Variants in SPOCK3 observed in about 807,000 individuals in gnomAD.
The protein encoded by SPOCK3 is SPARC (osteonectin), cwcv and kazal like domains proteoglycan 3.
A neutral mutation model predicts 56.6 loss-of-function variants in SPOCK3; 30 were observed. The ratio of observed to expected loss-of-function variants is 0.53; its 90% CI spans 0.40 to 0.72. The LOEUF (loss-of-function observed/expected upper bound fraction) is 0.72, where lower values mean the gene tolerates loss of function less well. Ranked by LOEUF, SPOCK3 falls within the 30% of genes least tolerant of loss-of-function variation. The pLI, the probability that SPOCK3 is intolerant of heterozygous loss-of-function variation, is 0.00. For missense variants in SPOCK3, 527 were observed against 530.0 expected (o/e 0.99, Z 0.06); for synonymous variants, 196 against 183.3 (o/e 1.07, Z -0.56).
intron 2 of SPOCK3, among the ~76,000 whole-genome samples, chr4:167,205,307 TTATA>T (rs554395757): frequency 2.5e-5 from 1 of 39,654 alleles, no homozygotes; most frequent in Admixed American, 4.3e-4. Flanking sequence ...ATAATATATA[TTATA>T]TATTTTATAT....
intron 2 of SPOCK3, among the ~76,000 whole-genome samples, chr4:167,114,500 G>A (rs560967831): frequency 1.3e-5 from 2 of 152,170 alleles, no homozygotes; most frequent in Admixed American, 6.6e-5. Context: ...AGGCTTGCAC[G>A]TGTCTCCTCT....
At chr4:167,150,006 T>C (rs2150414459) in intron 2 of SPOCK3, among the ~76,000 whole-genome samples, 1 of 152,106 alleles carries the variant, frequency 6.6e-6, no homozygotes, top group Admixed American at 6.6e-5. Context: ...ATTGGGTGAT[T>C]TGGGGGAAAG....
chr4:166,754,716 G>T lies in SPOCK3; in HGVS notation c.723C>A (p.Ser241Arg), dbSNP rs980396132. 4.3e-6 allele frequency: 7 copies of T among 1,613,332 alleles called. No homozygotes were observed. The highest frequency in any genetic ancestry group is 5.9e-6 in the Non-Finnish European group (7 of 1,179,578). ...LRPERSRFDT[S>R]ILPICKDSLG... ...GTGAGTCCTTGCAAATTGGCAAGAT[G>T]CTGGTATCGAATCCTAAAGGCAAAA... is the stretch of plus-strand genomic sequence containing the variant. Residue 241 changes from serine to arginine, a missense_variant, in exon 8 of 11, where the codon AGC becomes AGA. Physicochemically the swap from Ser to Arg is moderately radical, Grantham distance 110 (BLOSUM62 -1). Transcript: ENST00000357545.
intron 6 of SPOCK3, among the ~76,000 whole-genome samples, chr4:166,847,307 A>T (rs1321836910): frequency 6.6e-6 from 1 of 152,202 alleles, no homozygotes; most frequent in East Asian, 1.9e-4. Context: ...TATGTAGTAT[A>T]GGGAGACTTG....
chr4:166,769,634 C>G (rs1289401256), intron 7 of SPOCK3, among the ~76,000 whole-genome samples: 1 of 152,166 alleles, frequency 6.6e-6, no homozygotes, highest in East Asian at 1.9e-4. Context: ...ACTCGGGGGT[C>G]AGGGACCCAC....
intron 6 of SPOCK3, among the ~76,000 whole-genome samples, chr4:166,811,991 A>G (rs1743860505): frequency 6.6e-6 from 1 of 151,880 alleles, no homozygotes; most frequent in Admixed American, 6.6e-5. Flanking sequence ...TCAGAATTAA[A>G]GATCTGTGTT....
In SPOCK3 at chr4:166,980,220, G is replaced by T. The variant is rs1746415723; in HGVS notation, c.350+20129C>A. Among the ~76,000 whole-genome samples, 3 of 152,254 alleles carry T rather than the reference G, an allele frequency of 2.0e-5. No homozygotes were observed. In the South Asian group the frequency reaches 6.2e-4, roughly 32 times the overall value. On this transcript the variant is annotated intron_variant, in intron 4 of 10. Transcript: ENST00000357545. The stretch of plus-strand genomic sequence containing the variant: ...AAACATATTAGACTTTAGCCTGCAG[G>T]ACAGCAATATGTACATCTCTTTTAT...
intron 2 of SPOCK3, among the ~76,000 whole-genome samples, chr4:167,177,404 C>G (rs1280861127): frequency 1.3e-5 from 2 of 152,008 alleles, no homozygotes; most frequent in African/African-American, 2.4e-5. Flanking sequence ...CACTGACATG[C>G]CTTCCAAGCA....
At chr4:166,901,075 C>T (rs1029165199) in intron 5 of SPOCK3, among the ~76,000 whole-genome samples, 2 of 152,226 alleles carry the variant, frequency 1.3e-5, no homozygotes, top group East Asian at 1.9e-4. Context: ...TTCACTTAAC[C>T]TTACCAGAGA....
intron 4 of SPOCK3, among the ~76,000 whole-genome samples, chr4:166,935,261 T>C (rs1002095764): frequency 6.6e-6 from 1 of 152,130 alleles, no homozygotes; most frequent in Admixed American, 6.5e-5. Flanking sequence ...GAGTTTGAGA[T>C]AATATCTCCC....
intron 3 of SPOCK3, among the ~76,000 whole-genome samples, chr4:167,009,085 T>C (rs937052093): frequency 6.6e-6 from 1 of 152,190 alleles, no homozygotes; most frequent in African/African-American, 2.4e-5. Context: ...CTTCATATCA[T>C]ATTTACATGA....
chr4:166,784,298 A>C (rs913916727), intron 7 of SPOCK3, among the ~76,000 whole-genome samples: 1 of 152,148 alleles, frequency 6.6e-6, no homozygotes, highest in Non-Finnish European at 1.5e-5. Flanking sequence ...TACATCAATC[A>C]CTTAGTACTT....
chr4:167,039,402 C>T (rs569530019), intron 3 of SPOCK3, among the ~76,000 whole-genome samples: 1 of 152,236 alleles, frequency 6.6e-6, no homozygotes, highest in South Asian at 2.1e-4. Flanking sequence ...TCTTACCTTA[C>T]TTCATAGGTG....
chr4:167,188,616 A>C (rs570269501), intron 2 of SPOCK3, among the ~76,000 whole-genome samples: 2 of 145,752 alleles, frequency 1.4e-5, no homozygotes, highest in South Asian at 4.3e-4. Context: ...TTGAGCCCCA[A>C]ATAAGCGAAA....
intron 4 of SPOCK3, among the ~76,000 whole-genome samples, chr4:166,920,290 C>T (rs1256344409): frequency 1.3e-5 from 2 of 152,094 alleles, no homozygotes; most frequent in Non-Finnish European, 2.9e-5. Flanking sequence ...TCTTCACCAC[C>T]ACCAAAATAC....
intron 6 of SPOCK3, among the ~76,000 whole-genome samples, chr4:166,812,772 A>C (rs2126730296): frequency 6.6e-6 from 1 of 152,096 alleles, no homozygotes; most frequent in East Asian, 1.9e-4. Context: ...ATTATTTAAA[A>C]GTCTTAAAGG....
At chr4:167,210,645 A>C (rs1183198993) in intron 2 of SPOCK3, among the ~76,000 whole-genome samples, 1 of 152,170 alleles carries the variant, frequency 6.6e-6, no homozygotes, top group Non-Finnish European at 1.5e-5. Flanking sequence ...TTGTTTTTGA[A>C]ATGATATATT....
At chr4:167,061,695 T>C (rs980180781) in intron 3 of SPOCK3, among the ~76,000 whole-genome samples, 11 of 152,046 alleles carry the variant, frequency 7.2e-5, no homozygotes, top group Admixed American at 5.2e-4. Flanking sequence ...CAAAAACTTC[T>C]ATTTTTAAGT....
chr4:167,218,700 T>TC (rs1274777865), intron 2 of SPOCK3, among the ~76,000 whole-genome samples: 1 of 152,084 alleles, frequency 6.6e-6, no homozygotes, highest in Non-Finnish European at 1.5e-5. Context: ...AACATGTCAT[T>TC]CCCCATAGAC....
Sources: allele counts gnomAD v4.1 joint callset (sites outside exome capture counted in the v4.1 genomes callset), GRCh38; gene constraint gnomAD v4.1.1; transcripts MANE v1.5; gene names NCBI Gene and HGNC (gene_info 2026-07-23, HGNC 2026-07-21).